The following DISC1 variants were observed in gnomAD, a reference collection of about 807,000 sequenced individuals.
DISC1 encodes DISC1 scaffold protein, also known as disrupted in schizophrenia 1 protein.
A neutral mutation model predicts 84.5 loss-of-function variants in DISC1; 57 were observed. That is an observed-to-expected ratio of 0.67 (90% CI 0.55 to 0.84). The LOEUF is 0.84. DISC1 is among the 40% of genes least tolerant of loss of function. The pLI is 0.00. For missense variants in DISC1, 1,000 were observed against 1,057.8 expected (o/e 0.95, Z 0.76); for synonymous variants, 411 against 415.2 (o/e 0.99, Z 0.12).
At chr1:231,963,302 G>C (rs568814008) in intron 10 of DISC1, among the ~76,000 whole-genome samples, 2 of 152,150 alleles carry the variant, frequency 1.3e-5, no homozygotes, top group African/African-American at 4.8e-5. Context: ...CATGGTTAAG[G>C]AGTATCATCC....
chr1:231,951,934 A>G (rs1163863313), intron 9 of DISC1, among the ~76,000 whole-genome samples: 1 of 151,734 alleles, frequency 6.6e-6, no homozygotes, highest in African/African-American at 2.4e-5. Context: ...AGCTGGGCAC[A>G]GTGGCTCACA....
At chr1:231,914,788 C>T (rs2089494984) in intron 9 of DISC1, among the ~76,000 whole-genome samples, 1 of 152,226 alleles carries the variant, frequency 6.6e-6, no homozygotes, top group East Asian at 1.9e-4. Flanking sequence ...CACGACATTT[C>T]TGTCCTACAT....
At chr1:231,991,825 G>A (rs1181686126) in intron 10 of DISC1, among the ~76,000 whole-genome samples, 1 of 152,148 alleles carries the variant, frequency 6.6e-6, no homozygotes, top group Non-Finnish European at 1.5e-5. Flanking sequence ...AGTTTTAAGT[G>A]CATCCTTCCA....
At chr1:231,940,424 G>A (rs189044249) in intron 9 of DISC1, among the ~76,000 whole-genome samples, 9 of 152,156 alleles carry the variant, frequency 5.9e-5, no homozygotes, top group Admixed American at 1.3e-4. Context: ...ATTTGCAGGC[G>A]CAATTATATG....
At chr1:231,645,185 A>G (rs199570150) in intron 1 of DISC1, among the ~76,000 whole-genome samples, 4 of 152,162 alleles carry the variant, frequency 2.6e-5, no homozygotes, top group Non-Finnish European at 2.9e-5. Flanking sequence ...CTGTGATCCT[A>G]ATAACAGAGA....
intron 10 of DISC1, among the ~76,000 whole-genome samples, chr1:231,964,332 C>T (rs890884229): frequency 9.2e-5 from 14 of 152,210 alleles, no homozygotes; most frequent in Non-Finnish European, 1.8e-4. Context: ...GCCATGCTGA[C>T]GTTGCAAAGC....
chr1:231,830,272 A>C (rs2082131097), intron 9 of DISC1, among the ~76,000 whole-genome samples: 2 of 152,112 alleles, frequency 1.3e-5, no homozygotes, highest in African/African-American at 2.4e-5. Flanking sequence ...TTTGTGGTAA[A>C]GGGTGATATT....
At chr1:231,898,392 C>A (rs1298920660) in intron 9 of DISC1, among the ~76,000 whole-genome samples, 1 of 152,024 alleles carries the variant, frequency 6.6e-6, no homozygotes, top group Non-Finnish European at 1.5e-5. Flanking sequence ...GGTGAAGGAC[C>A]CTTGCCCAGG....
chr1:231,648,500 G>A (rs2060330012), intron 1 of DISC1, among the ~76,000 whole-genome samples: 1 of 152,210 alleles, frequency 6.6e-6, no homozygotes, highest in South Asian at 2.1e-4. Flanking sequence ...GTTCATCAGG[G>A]ATATTGGTCT....
intron 1 of DISC1, among the ~76,000 whole-genome samples, chr1:231,674,341 A>G (rs774103224): frequency 6.6e-6 from 1 of 152,144 alleles, no homozygotes; most frequent in African/African-American, 2.4e-5. Context: ...GAGGAAGAGT[A>G]ATGGGAATTG....
At chr1:231,653,215 C>T (rs977606726) in intron 1 of DISC1, among the ~76,000 whole-genome samples, 1 of 152,222 alleles carries the variant, frequency 6.6e-6, no homozygotes, top group Non-Finnish European at 1.5e-5. Context: ...AGTTCTAAAG[C>T]ATATATTCTG....
intron 9 of DISC1, among the ~76,000 whole-genome samples, chr1:231,865,877 C>G (rs970084663): frequency 1.8e-4 from 28 of 152,172 alleles, no homozygotes; most frequent in African/African-American, 6.8e-4. Context: ...GCTTAGGAAT[C>G]TGGTACTCTA....
At chr1:231,969,324 T>C (rs1417240895) in intron 10 of DISC1, among the ~76,000 whole-genome samples, 2 of 151,654 alleles carry the variant, frequency 1.3e-5, no homozygotes, top group Non-Finnish European at 2.9e-5. Flanking sequence ...GAGCCTTCAG[T>C]GGTTCCTACA....
intron 10 of DISC1, among the ~76,000 whole-genome samples, chr1:232,008,405 TGGAGAATGGACAGAGAG>T (rs1168575194): frequency 1.3e-5 from 2 of 152,200 alleles, no homozygotes; most frequent in Non-Finnish European, 2.9e-5. Context: ...TGTGTGTTGA[TGGAGAATGGACAGAGAG>T]AGTTGATCTA....
At chr1:231,806,932 A>G (rs2079778887) in intron 8 of DISC1, among the ~76,000 whole-genome samples, 1 of 152,188 alleles carries the variant, frequency 6.6e-6, no homozygotes, top group Non-Finnish European at 1.5e-5. Context: ...GCTACTACCC[A>G]TCCCCATCAG....
rs759809991 is a variant in DISC1 at position 232,036,771 on chromosome 1, G to A, written c.2505G>A (p.Ala835=). The A allele has an allele frequency of 4.1e-5, 66 of 1,605,734 alleles. No individual in the cohort carries two copies. The highest frequency in any genetic ancestry group is 1.8e-4 in the East Asian group (8 of 44,652). ...MILQLQPAKE[A]GEREAAASCM... ...TGCAGCTCCAGCCAGCAAAGGAGGC[G>A]GGAGAAAGAGAAGCTGCAGCTTCCT... is the stretch of plus-strand genomic sequence containing the variant. The change falls in exon 13 of 13, where the codon GCG becomes GCA. Residue 835 remains alanine (A), a synonymous_variant. Coordinates refer to ENST00000439617, the MANE Select transcript of DISC1 (RefSeq NM_018662.3).
intron 9 of DISC1, chr1:231,819,252 A>G: frequency 1.4e-6 from 1 of 704,506 alleles, no homozygotes; most frequent in Non-Finnish European, 1.8e-6. Flanking sequence ...TTTACAAAGT[A>G]TGCTTATTTA....
At chr1:231,645,523 T>G (rs1325998619) in intron 1 of DISC1, among the ~76,000 whole-genome samples, 1 of 152,066 alleles carries the variant, frequency 6.6e-6, no homozygotes, top group Admixed American at 6.5e-5. Context: ...TTTTGTCTTT[T>G]AAAAAATTTA....
chr1:231,981,180 G>A (rs1198436789), intron 10 of DISC1, among the ~76,000 whole-genome samples: 1 of 152,200 alleles, frequency 6.6e-6, no homozygotes, highest in Non-Finnish European at 1.5e-5. Context: ...CTGAGCTAAA[G>A]TGATCCTTCT....
Sources: gnomAD v4.1 joint callset for allele counts (sites outside exome capture counted in the v4.1 genomes callset) on GRCh38, gnomAD v4.1.1 for gene constraint, MANE v1.5 for transcripts, NCBI Gene and HGNC (gene_info 2026-07-23, HGNC 2026-07-21) for gene names.